EHMT1: variants seen among roughly 807,000 people sequenced by gnomAD.
The protein encoded by EHMT1 is euchromatic histone lysine methyltransferase 1, also known as histone-lysine N-methyltransferase EHMT1.
A neutral mutation model predicts 147.2 loss-of-function variants in EHMT1; 15 were observed. The ratio of observed to expected loss-of-function variants is 0.10; its 90% CI spans 0.07 to 0.16. The LOEUF (loss-of-function observed/expected upper bound fraction) is 0.16. Among genes scored for constraint, EHMT1 ranks in the 10% least tolerant of loss-of-function variants. The pLI, the probability that EHMT1 is intolerant of heterozygous loss-of-function variation, is 1.00. For missense variants in EHMT1, 1,587 were observed against 1,772.4 expected, an observed-to-expected ratio of 0.90 and a Z score of 1.88; for synonymous variants, 795 against 709.6, an observed-to-expected ratio of 1.12 and a Z score of -1.91.
rs1487818587 is a variant in EHMT1, at chr9:137,654,387, C to A, written c.21+35338C>A. 2.2e-5 allele frequency among the ~76,000 whole-genome samples: 3 copies of A among 139,216 alleles called. No individual in the cohort carries two copies. In the East Asian group the frequency reaches 7.2e-4, roughly 34 times the overall value. The allele number at this position is 139,216 out of a possible 152,430, so 91.3% of individuals were successfully genotyped here. A position where few individuals can be genotyped will look rare whatever the true frequency, so the allele number is the denominator to read the frequency against. ...ACCCCCCACCCCTTACCACCTCCCC[C>A]CCACCAAAAAAAAAAGAGAAAAATT... On this transcript the variant is annotated intron_variant, in intron 1 of 26. Transcript: ENST00000460843.
chr9:137,660,342 A>G (rs541179521), intron 1 of EHMT1, among the ~76,000 whole-genome samples: 1 of 151,650 alleles, frequency 6.6e-6, no homozygotes, highest in African/African-American at 2.4e-5. Flanking sequence ...TCTCAAAAAA[A>G]TTTTTTCCTC....
At chr9:137,622,906 CA>C (rs1180436732) in intron 1 of EHMT1, among the ~76,000 whole-genome samples, 2,236 of 87,030 alleles carry the variant, frequency 0.026, 24 homozygotes, top group South Asian at 0.083. Context: ...AATCCTGTCT[CA>C]AAAAAAAAAA....
At chr9:137,652,392 T>C (rs1186751037) in intron 1 of EHMT1, among the ~76,000 whole-genome samples, 3 of 151,414 alleles carry the variant, frequency 2.0e-5, no homozygotes, top group African/African-American at 7.3e-5. Context: ...TGTGTCTTAG[T>C]TTTATTTTTT....
At chr9:137,646,304 T>C in intron 1 of EHMT1, 1 of 972,274 alleles carries the variant, frequency 1.0e-6, no homozygotes, top group Non-Finnish European at 1.2e-6. Flanking sequence ...TAAAATGATG[T>C]CTGTGGCATT....
Position 137,743,941 on chromosome 9 carries a change from G to A in EHMT1, c.1021G>A (p.Gly341Arg). Residue 341 changes from glycine (G) to arginine (R), a missense_variant, in exon 6 of 27, where the codon GGG (glycine) becomes AGG (arginine). Coordinates refer to ENST00000460843, the MANE Select transcript of EHMT1 (RefSeq NM_024757.5). ...GGGCGCCAGCAGCCTGCACGTGAAT[G>A]GGGAGAGCCTGGAGATGGACTCGGA... ...DLGASSLHVNGESLEMDSDED... is the reference protein window; with the variant it reads ...DLGASSLHVNRESLEMDSDED... 6.2e-7 allele frequency: 1 copy of A among 1,613,668 alleles called. No individual in the cohort carries two copies. Among genetic ancestry groups the A allele is most frequent in the East Asian group, 2.2e-5 (1 of 44,888 alleles).
chr9:137,659,671 G>C (rs1274345443), intron 1 of EHMT1, among the ~76,000 whole-genome samples: 1 of 151,538 alleles, frequency 6.6e-6, no homozygotes, highest in Non-Finnish European at 1.5e-5. Context: ...TACCACCTCA[G>C]CTTCCCGAGT....
intron 1 of EHMT1, among the ~76,000 whole-genome samples, chr9:137,688,512 G>A (rs1054293014): frequency 7.2e-5 from 11 of 152,202 alleles, no homozygotes; most frequent in Non-Finnish European, 1.5e-4. Flanking sequence ...TGATGCCTGT[G>A]CTTGCTGGAG....
Position 137,715,599 on chromosome 9 carries a change from C to T in EHMT1, c.86-1027C>T, listed in dbSNP as rs76401916. 1.1e-4 allele frequency: 109 copies of T among 985,396 alleles called. 1 individual carries two copies. In the East Asian group the frequency reaches 8.1e-3, roughly 73 times the overall value. The allele number at this position is 985,396 out of a possible 1,614,324, so 61.0% of individuals were successfully genotyped here. A position where few individuals can be genotyped will look rare whatever the true frequency, so the allele number is the denominator to read the frequency against. ...GAGCTCCGTGTGCACCTAGCGATGC[C>T]ATCGCAGGCTTCCTGCCTCAGCCTG... is the stretch of plus-strand genomic sequence containing the variant. On this transcript the variant is annotated intron_variant, in intron 2 of 26. Coordinates refer to ENST00000460843, the MANE Select transcript of EHMT1 (RefSeq NM_024757.5).
At chr9:137,817,854 C>G in intron 24 of EHMT1, 2 of 639,442 alleles carry the variant, frequency 3.1e-6, no homozygotes, top group Non-Finnish European at 5.5e-6. Context: ...ACCGCAGACG[C>G]AGAGCTTTCG....
chr9:137,740,976 A>ATTTTTT, intron 4 of EHMT1, among the ~76,000 whole-genome samples: 1 of 119,458 alleles, frequency 8.4e-6, no homozygotes, highest in Admixed American at 8.7e-5. Flanking sequence ...CCCCGACATG[A>ATTTTTT]TTTTTTTTTT....
chr9:137,807,002 T>C (rs1211028147), intron 18 of EHMT1, among the ~76,000 whole-genome samples: 2 of 152,238 alleles, frequency 1.3e-5, no homozygotes, highest in Non-Finnish European at 2.9e-5. Context: ...AGCCTTAGTT[T>C]GTCTGTAAAG....
chr9:137,774,777 G>A (rs1191739994), intron 10 of EHMT1, among the ~76,000 whole-genome samples: 5 of 148,546 alleles, frequency 3.4e-5, no homozygotes, highest in Non-Finnish European at 6.0e-5. Context: ...CTGGCCCCCT[G>A]GATCTGGTGG....
chr9:137,756,521 T>A (rs1389163774), intron 8 of EHMT1, among the ~76,000 whole-genome samples: 4 of 152,298 alleles, frequency 2.6e-5, no homozygotes, highest in Non-Finnish European at 4.4e-5. Flanking sequence ...CGTGAGGCAG[T>A]CACCATGGAG....
At position 137,813,636 on chromosome 9, in the gene EHMT1, A is replaced by G. The variant is rs73669183; in HGVS notation, c.3180+106A>G. On this transcript the variant is annotated intron_variant, in intron 21 of 26. Transcript: ENST00000460843. This position sits in a 1 kb window ranked among gnomAD's most constrained non-coding sequence, Gnocchi z 4.9. ...CTCACCACTCAGAGCAGGAGGGCTTATGGGGGGCTTCCCAGGAAGACCTCA... is the reference window on the plus strand; with the variant it reads ...CTCACCACTCAGAGCAGGAGGGCTTGTGGGGGGCTTCCCAGGAAGACCTCA... 0.02 allele frequency: 29,590 copies of G among 1,496,946 alleles called. 4,672 individuals carry two copies. The African/African-American group carries it at 0.35, about 18-fold the overall frequency. 92.7% of individuals were successfully genotyped at this position (1,496,946 alleles called of 1,614,324 possible).
intron 3 of EHMT1, among the ~76,000 whole-genome samples, chr9:137,721,560 C>T (rs1293599012): frequency 2.2e-5 from 3 of 136,284 alleles, no homozygotes; most frequent in South Asian, 2.6e-4. Flanking sequence ...CCTTCTCCCA[C>T]GCCTCTCATC....
At chr9:137,751,383 T>C (rs867796700) in intron 6 of EHMT1, among the ~76,000 whole-genome samples, 2 of 152,350 alleles carry the variant, frequency 1.3e-5, no homozygotes, top group South Asian at 2.1e-4. Context: ...CTTGAACTTC[T>C]GGCCTCAAGC....
At position 137,828,656 on chromosome 9, in the gene EHMT1, A is replaced by C. The variant is rs1955986944; in HGVS notation, c.3541-5693A>C. 1.3e-5 allele frequency among the ~76,000 whole-genome samples: 2 copies of C among 152,310 alleles called. No homozygotes were observed. Among genetic ancestry groups the C allele is most frequent in the Non-Finnish European group, 2.9e-5 (2 of 68,012 alleles). ...TCACGGCCCAAGTGACGCTTGGTGCAGAGCTGGAAGGTTCTCAGGGTGGGA... is the reference window on the plus strand; with the variant it reads ...TCACGGCCCAAGTGACGCTTGGTGCCGAGCTGGAAGGTTCTCAGGGTGGGA... On this transcript the variant is annotated intron_variant, in intron 25 of 26. Coordinates refer to ENST00000460843, the MANE Select transcript of EHMT1 (RefSeq NM_024757.5). The surrounding 1 kb of genome is among the most constrained non-coding windows in gnomAD (Gnocchi z 5.3).
intron 1 of EHMT1, among the ~76,000 whole-genome samples, chr9:137,681,488 A>G (rs1941932450): frequency 6.6e-6 from 1 of 152,186 alleles, no homozygotes; most frequent in African/African-American, 2.4e-5. Flanking sequence ...TTTGACTAAA[A>G]TTCCTTCGTT....
intron 2 of EHMT1, among the ~76,000 whole-genome samples, chr9:137,714,117 C>T (rs1944986976): frequency 6.6e-6 from 1 of 152,120 alleles, no homozygotes; most frequent in African/African-American, 2.4e-5. Flanking sequence ...TTCCAATCTG[C>T]ATTCTTTTTA....
Sources: allele counts gnomAD v4.1 joint callset (sites outside exome capture counted in the v4.1 genomes callset), GRCh38; gene constraint gnomAD v4.1.1; non-coding constraint Gnocchi (gnomAD v3.1); transcripts MANE v1.5; gene names NCBI Gene and HGNC (gene_info 2026-07-23, HGNC 2026-07-21).